The following PTPRD variants were observed in gnomAD, a reference collection of about 807,000 sequenced individuals.
PTPRD encodes receptor-type tyrosine-protein phosphatase delta.
A neutral mutation model predicts 214.5 loss-of-function variants in PTPRD; 34 were observed. That is an observed-to-expected ratio of 0.16 (90% CI 0.12 to 0.21). PTPRD has a LOEUF of 0.21. PTPRD is among the 10% of genes least tolerant of loss of function. The pLI, the probability that PTPRD is intolerant of heterozygous loss-of-function variation, is 1.00. For synonymous variants in PTPRD, 1,128 were observed against 845.7 expected (o/e 1.33, Z -5.79); for missense variants, 2,545 against 2,398.7 (o/e 1.06, Z -1.27).
intron 2 of PTPRD, among the ~76,000 whole-genome samples, chr9:10,542,364 A>G (rs940197054): frequency 2.6e-5 from 4 of 152,192 alleles, no homozygotes; most frequent in African/African-American, 9.6e-5. Context: ...GTAAGGATTT[A>G]AAGAAAAGTA....
Position 9,411,829 on chromosome 9 carries a change from T to C in PTPRD, c.-236-14347A>G, listed in dbSNP as rs150402932. On this transcript the variant is annotated intron_variant, in intron 8 of 45. Transcript: ENST00000381196. ...AAAAGATCCCTAGGGAATAAATGTG[T>C]GTTTTTGAAAAGATTTTCTGTGTAG... Among the ~76,000 whole-genome samples, 130 of 152,312 alleles carry C rather than the reference T, an allele frequency of 8.5e-4. 2 individuals carry two copies. Among genetic ancestry groups the C allele is most frequent in the African/African-American group, 3.1e-3 (127 of 41,566 alleles).
chr9:9,330,142 C>T (rs1441462413), intron 9 of PTPRD, among the ~76,000 whole-genome samples: 1 of 152,108 alleles, frequency 6.6e-6, no homozygotes, highest in Non-Finnish European at 1.5e-5. Context: ...CCTGCCATGC[C>T]ATCTGACCCC....
chr9:10,378,766 T>C (rs934145336), intron 2 of PTPRD, among the ~76,000 whole-genome samples: 1 of 152,102 alleles, frequency 6.6e-6, no homozygotes, highest in Non-Finnish European at 1.5e-5. Flanking sequence ...CCTGGTTTTG[T>C]ACCTTTTGCA....
At chr9:9,143,038 G>C (rs2099862929) in intron 10 of PTPRD, among the ~76,000 whole-genome samples, 2 of 152,214 alleles carry the variant, frequency 1.3e-5, no homozygotes, top group Admixed American at 1.3e-4. Context: ...TTCTGTCTCT[G>C]TGTTACAGTA....
At chr9:8,507,068 T>C (rs529971186) in intron 22 of PTPRD, among the ~76,000 whole-genome samples, 3 of 152,186 alleles carry the variant, frequency 2.0e-5, no homozygotes, top group East Asian at 1.9e-4. Flanking sequence ...ACAAGAGTTA[T>C]TTTGTTTTGT....
chr9:9,849,621 G>A (rs2060169465), intron 5 of PTPRD, among the ~76,000 whole-genome samples: 1 of 151,952 alleles, frequency 6.6e-6, no homozygotes. Context: ...TCAAGTAGAA[G>A]CACATTTATG....
At chr9:9,617,964 C>T (rs2094987575) in intron 7 of PTPRD, among the ~76,000 whole-genome samples, 1 of 146,978 alleles carries the variant, frequency 6.8e-6, no homozygotes, top group Non-Finnish European at 1.5e-5. Context: ...CCCTGCTACT[C>T]GGGAGCCTGA....
At position 9,126,424 on chromosome 9, in the gene PTPRD, T is replaced by C. The variant is rs531769666; in HGVS notation, c.-143+56880A>G. On this transcript the variant is annotated intron_variant, in intron 10 of 45. Coordinates refer to ENST00000381196, the MANE Select transcript of PTPRD (RefSeq NM_002839.4). ...TATATCAAGGATAGCTTTTTAGAAA[T>C]TGTGACTTTAAGTGAAACGACATAC... Among the ~76,000 whole-genome samples, 16 of 152,294 alleles carry C rather than the reference T, an allele frequency of 1.1e-4. No individual in the cohort carries two copies. In the South Asian group the frequency reaches 2.7e-3, roughly 26 times the overall value.
At chr9:10,248,533 A>AAAAAAAAAAAAAAAAAAAAAAAAAAAC (rs60272481) in intron 3 of PTPRD, among the ~76,000 whole-genome samples, 1 of 127,444 alleles carries the variant, frequency 7.8e-6, no homozygotes, top group African/African-American at 3.3e-5. Context: ...AAAATAAAAA[A>AAAAAAAAAAAAAAAAAAAAAAAAAAAC]AATAAAGCGA....
At chr9:8,465,336 G>A (rs1013554172) in intron 32 of PTPRD, 130 bp downstream of exon 32, 2 of 794,116 alleles carry the variant, frequency 2.5e-6, no homozygotes, top group African/African-American at 1.7e-5. Flanking sequence ...TAGGCAGCCT[G>A]TTATTACACT....
At chr9:9,259,337 C>T (rs571035273) in intron 9 of PTPRD, among the ~76,000 whole-genome samples, 1 of 151,896 alleles carries the variant, frequency 6.6e-6, no homozygotes, top group Admixed American at 6.6e-5. Context: ...AAATACAGGG[C>T]AGACAGACTA....
chr9:9,927,293 C>A (rs539051711), intron 5 of PTPRD, among the ~76,000 whole-genome samples: 1 of 152,132 alleles, frequency 6.6e-6, no homozygotes, highest in East Asian at 1.9e-4. Context: ...CTAAATCAAT[C>A]TCTGTGTTTT....
intron 2 of PTPRD, among the ~76,000 whole-genome samples, chr9:10,459,415 C>T (rs2098942089): frequency 6.6e-6 from 1 of 152,064 alleles, no homozygotes; most frequent in South Asian, 2.1e-4. Context: ...GGTATATACC[C>T]AGTAATGGGA....
chr9:10,017,819 T>C (rs2096754166), intron 4 of PTPRD, among the ~76,000 whole-genome samples: 1 of 152,128 alleles, frequency 6.6e-6, no homozygotes, highest in Admixed American at 6.5e-5. Context: ...CAAGAATGTC[T>C]TGATGAAACT....
intron 12 of PTPRD, among the ~76,000 whole-genome samples, chr9:8,704,915 T>C (rs1165009734): frequency 1.3e-5 from 2 of 151,780 alleles, no homozygotes; most frequent in African/African-American, 4.8e-5. Flanking sequence ...AGAGCAAGAC[T>C]CCTTAAAAAT....
intron 2 of PTPRD, among the ~76,000 whole-genome samples, chr9:10,562,626 A>C (rs2064325547): frequency 6.6e-6 from 1 of 152,196 alleles, no homozygotes. Flanking sequence ...TTAATACGTC[A>C]TTAAATTTAT....
chr9:9,840,687 C>T (rs111782333), intron 5 of PTPRD, among the ~76,000 whole-genome samples: 18 of 135,344 alleles, frequency 1.3e-4, no homozygotes, highest in South Asian at 2.4e-4. Context: ...CGCTTGAACA[C>T]GGGAGGCAGA....
At chr9:9,393,744 A>G (rs11795240) in intron 9 of PTPRD, among the ~76,000 whole-genome samples, 22,086 of 152,136 alleles carry the variant, frequency 0.15, 1,741 homozygotes, top group Non-Finnish European at 0.18. Context: ...CTTGAGCTCT[A>G]AAATACACTG....
chr9:10,018,532 A>AC (rs1399671843), intron 4 of PTPRD, among the ~76,000 whole-genome samples: 2 of 125,288 alleles, frequency 1.6e-5, no homozygotes, highest in African/African-American at 2.7e-5. Flanking sequence ...TTTAAGAATT[A>AC]CATTTCTTTT....
Sources: gnomAD v4.1 joint callset for allele counts (sites outside exome capture counted in the v4.1 genomes callset) on GRCh38, gnomAD v4.1.1 for gene constraint, MANE v1.5 for transcripts, NCBI Gene and HGNC (gene_info 2026-07-23, HGNC 2026-07-21) for gene names.